KCNMA1: variants seen among roughly 807,000 people sequenced by gnomAD.
KCNMA1 encodes potassium calcium-activated channel subfamily M alpha 1.
A neutral mutation model predicts 140.0 loss-of-function variants in KCNMA1; 29 were observed. The ratio of observed to expected loss-of-function variants is 0.21; its 90% CI spans 0.15 to 0.28. KCNMA1 has a LOEUF of 0.28. KCNMA1 is among the 10% of genes least tolerant of loss of function. The pLI, the probability that KCNMA1 is intolerant of heterozygous loss-of-function variation, is 1.00. For missense variants in KCNMA1, 880 were observed against 1,602.2 expected, an observed-to-expected ratio of 0.55 and a Z score of 7.70; for synonymous variants, 612 against 611.9, an observed-to-expected ratio of 1.00 and a Z score of 0.00.
intron 3 of KCNMA1, among the ~76,000 whole-genome samples, chr10:77,248,355 A>G (rs1471863250): frequency 6.6e-6 from 1 of 152,166 alleles, no homozygotes; most frequent in East Asian, 1.9e-4. Context: ...AGTCCTCAGC[A>G]TTCTGGAGGG....
At chr10:76,925,754 A>G (rs921127324) in intron 23 of KCNMA1, among the ~76,000 whole-genome samples, 6 of 152,224 alleles carry the variant, frequency 3.9e-5, no homozygotes, top group Non-Finnish European at 8.8e-5. Flanking sequence ...TGTTTGGTTT[A>G]GTATGAATTG....
At chr10:76,925,438 T>G in intron 23 of KCNMA1, among the ~76,000 whole-genome samples, 1 of 152,190 alleles carries the variant, frequency 6.6e-6, no homozygotes, top group East Asian at 1.9e-4. Context: ...AAGGCAGATA[T>G]ATACATTACA....
chr10:77,214,496 G>T (rs946618572), intron 3 of KCNMA1, among the ~76,000 whole-genome samples: 1 of 152,100 alleles, frequency 6.6e-6, no homozygotes, highest in Admixed American at 6.6e-5. Flanking sequence ...GTACTGTGTT[G>T]CTATAGCAAG....
chr10:77,054,004 A>T (rs1359943460), intron 14 of KCNMA1, among the ~76,000 whole-genome samples: 1 of 152,140 alleles, frequency 6.6e-6, no homozygotes. Context: ...GCACAGCCGC[A>T]CAACCCCCCT....
chr10:77,326,366 A>T (rs574313203), intron 2 of KCNMA1, among the ~76,000 whole-genome samples: 2 of 152,212 alleles, frequency 1.3e-5, no homozygotes, highest in Non-Finnish European at 2.9e-5. Flanking sequence ...TGTAATAGTT[A>T]CTTTACACCT....
At chr10:76,997,118 AG>A (rs1427042938) in intron 19 of KCNMA1, among the ~76,000 whole-genome samples, 4 of 152,176 alleles carry the variant, frequency 2.6e-5, no homozygotes, top group Admixed American at 2.6e-4. Flanking sequence ...CACAAACCAA[AG>A]GCTACTCAGG....
At chr10:77,273,299 A>C (rs775558135) in intron 2 of KCNMA1, among the ~76,000 whole-genome samples, 2 of 152,184 alleles carry the variant, frequency 1.3e-5, no homozygotes, top group Non-Finnish European at 2.9e-5. Flanking sequence ...TACAAGTTCA[A>C]TTTCTACCAG....
chr10:77,366,466 G>A (rs1286557473), intron 2 of KCNMA1, among the ~76,000 whole-genome samples: 1 of 152,180 alleles, frequency 6.6e-6, no homozygotes, highest in Non-Finnish European at 1.5e-5. Flanking sequence ...ACCACGCCCG[G>A]CCACATGTGC....
chr10:76,965,958 T>C (rs1487530261), intron 20 of KCNMA1, among the ~76,000 whole-genome samples: 1 of 152,188 alleles, frequency 6.6e-6, no homozygotes, highest in Non-Finnish European at 1.5e-5. Context: ...TCACAGCCCA[T>C]GCTAGTGGAA....
At position 77,013,431 on chromosome 10, in the gene KCNMA1, A is replaced by T. The variant is rs76211056; in HGVS notation, c.2016-1388T>A. On this transcript the variant is annotated intron_variant, in intron 17 of 27. Coordinates refer to ENST00000286628, the MANE Select transcript of KCNMA1 (RefSeq NM_001161352.2). ...CTGTCATCTATGTCTCAAAAAAATT[A>T]AAAAAAAAATAAAAAGAAATCCTAG... 8.5e-4 allele frequency among the ~76,000 whole-genome samples: 128 copies of T among 150,388 alleles called. 1 individual carries two copies. Among genetic ancestry groups the T allele is most frequent in the Admixed American group, 4.4e-3 (66 of 15,040 alleles).
chr10:77,245,259 G>A (rs1368587314), intron 3 of KCNMA1, among the ~76,000 whole-genome samples: 1 of 152,172 alleles, frequency 6.6e-6, no homozygotes, highest in Non-Finnish European at 1.5e-5. Flanking sequence ...GAGTAGGCTG[G>A]TGAGCTTCCT....
intron 3 of KCNMA1, among the ~76,000 whole-genome samples, chr10:77,185,589 T>C (rs1359795196): frequency 6.7e-6 from 1 of 149,456 alleles, no homozygotes; most frequent in Non-Finnish European, 1.5e-5. Flanking sequence ...AGCAGTACTC[T>C]AAGGGTTAAT....
intron 1 of KCNMA1, among the ~76,000 whole-genome samples, chr10:77,633,180 C>T (rs1208624879): frequency 3.3e-5 from 5 of 152,218 alleles, no homozygotes; most frequent in African/African-American, 1.2e-4. Flanking sequence ...CCAGGTGTGG[C>T]AGCGTGCGCC....
At chr10:77,320,148 A>G (rs2081967913) in intron 2 of KCNMA1, among the ~76,000 whole-genome samples, 1 of 152,082 alleles carries the variant, frequency 6.6e-6, no homozygotes, top group Non-Finnish European at 1.5e-5. Flanking sequence ...CTTACCCCTT[A>G]CTCCATGAGA....
At chr10:77,294,859 C>T (rs2074424217) in intron 2 of KCNMA1, among the ~76,000 whole-genome samples, 1 of 152,112 alleles carries the variant, frequency 6.6e-6, no homozygotes, top group South Asian at 2.1e-4. Context: ...GTGGAGGTTG[C>T]AGTCAGCCGA....
chr10:77,211,988 A>G (rs2046237023), intron 3 of KCNMA1, among the ~76,000 whole-genome samples: 1 of 152,178 alleles, frequency 6.6e-6, no homozygotes, highest in Non-Finnish European at 1.5e-5. Context: ...ATGTTTACAC[A>G]CTGTTGGTGG....
At chr10:77,265,256 T>C (rs987400212) in intron 2 of KCNMA1, among the ~76,000 whole-genome samples, 1 of 152,128 alleles carries the variant, frequency 6.6e-6, no homozygotes, top group African/African-American at 2.4e-5. Context: ...TTCACCATGT[T>C]GGCCAAGCTG....
In KCNMA1 at chr10:76,887,298, T is replaced by A; in HGVS notation, c.3679A>T (p.Lys1227Ter). ...CGCTCTTCCTGCACGTACTTCTGTT[T>A]GTCCCGGGACTCCCTGGACTTGGGC... ...NRPKSRESRDKQKYVQEERL is the reference protein window; with the variant it reads ...NRPKSRESRD The change falls in exon 28 of 28, where the codon AAA (lysine) becomes TAA (stop). Residue 1227 changes from lysine to a stop codon, truncating the protein, a stop_gained. Transcript: ENST00000286628. LOFTEE classifies it high-confidence loss of function. 6.2e-7 allele frequency: 1 copy of A among 1,614,144 alleles called. No individual in the cohort carries two copies. The highest frequency in any genetic ancestry group is 8.5e-7 in the Non-Finnish European group (1 of 1,180,022).
At chr10:76,964,532 G>A (rs1368340806) in intron 20 of KCNMA1, among the ~76,000 whole-genome samples, 1 of 152,108 alleles carries the variant, frequency 6.6e-6, no homozygotes, top group Admixed American at 6.5e-5. Context: ...TTCTTCTCCA[G>A]TCCTGGGGGA....
Sources: gnomAD v4.1 joint callset for allele counts (sites outside exome capture counted in the v4.1 genomes callset) on GRCh38, gnomAD v4.1.1 for gene constraint, MANE v1.5 for transcripts, NCBI Gene and HGNC (gene_info 2026-07-23, HGNC 2026-07-21) for gene names.